The following DERA variants were observed in gnomAD, a reference collection of about 807,000 sequenced individuals.
DERA encodes the protein 2-deoxy-D-ribose 5-phosphate aldolase.
Under a neutral mutation model 41.1 loss-of-function variants are expected in DERA, and 15 were observed. That is an observed-to-expected ratio of 0.37 (90% CI 0.24 to 0.56). DERA has a LOEUF of 0.56. DERA is among the 20% of genes least tolerant of loss of function. The pLI, the probability that DERA is intolerant of heterozygous loss-of-function variation, is 0.81. For synonymous variants in DERA, 139 were observed against 137.4 expected, an observed-to-expected ratio of 1.01 and a Z score of -0.08; for missense variants, 396 against 403.4, an observed-to-expected ratio of 0.98 and a Z score of 0.16.
intron 5 of DERA, among the ~76,000 whole-genome samples, chr12:15,975,396 G>C (rs1404399392): frequency 1.3e-5 from 2 of 152,184 alleles, no homozygotes; most frequent in Non-Finnish European, 2.9e-5. Flanking sequence ...TCCATCAAGT[G>C]CAGGGTCTGC....
chr12:16,020,111 C>G lies in DERA; in HGVS notation c.638-12431C>G, dbSNP rs1401037944. ...TCTAGGAGCAGATCCAAGCACCACA[C>G]TTACTGTACAGTCTGCAGAATTGTG... On this transcript the variant is annotated intron_variant, in intron 6 of 8. Coordinates refer to ENST00000428559, the MANE Select transcript of DERA (RefSeq NM_015954.4). This position sits in a 1 kb window ranked among gnomAD's most constrained non-coding sequence, Gnocchi z 5.5. Among the ~76,000 whole-genome samples the G allele has an allele frequency of 1.3e-5, 2 of 152,200 alleles. No homozygotes were observed. The highest frequency in any genetic ancestry group is 2.4e-5 in the African/African-American group (1 of 41,438).
At chr12:15,973,428 A>ATAATAGCCTACCAAATTATTATTTTTC (rs138148780) in intron 5 of DERA, among the ~76,000 whole-genome samples, 94,390 of 151,628 alleles carry the variant, frequency 0.62, 29,735 homozygotes, top group East Asian at 0.82. Flanking sequence ...GGCATCTTTG[A>ATAATAGCCTACCAAATTATTATTTTTC]TAATATATGG....
rs947158996 is a variant in DERA, at chr12:15,931,559, A to G, written c.31+20145A>G. Among the ~76,000 whole-genome samples the G allele has an allele frequency of 4.6e-5, 7 of 152,188 alleles. No individual in the cohort carries two copies. Among genetic ancestry groups the G allele is most frequent in the African/African-American group, 9.7e-5 (4 of 41,434 alleles). ...AGAGTACATTAAGTTGAAAAACTACATGTTTGGAAATCTAAATGTGCTTTA... is the reference window on the plus strand; with the variant it reads ...AGAGTACATTAAGTTGAAAAACTACGTGTTTGGAAATCTAAATGTGCTTTA... On this transcript the variant is annotated intron_variant, in intron 1 of 8. Transcript: ENST00000428559. The surrounding 1 kb of genome is among the most constrained non-coding windows in gnomAD (Gnocchi z 4.6).
At chr12:15,945,046 G>A (rs1471062946) in intron 1 of DERA, among the ~76,000 whole-genome samples, 1 of 152,194 alleles carries the variant, frequency 6.6e-6, no homozygotes, top group African/African-American at 2.4e-5. Context: ...TTGTAGACGT[G>A]TGGTATTATT....
At chr12:16,006,012 C>T (rs374421890) in intron 6 of DERA, among the ~76,000 whole-genome samples, 1 of 152,182 alleles carries the variant, frequency 6.6e-6, no homozygotes. Flanking sequence ...TTCTGCTGTT[C>T]GGTCCTTACA....
In DERA at chr12:15,926,729, TC is replaced by T. The variant is rs1397537830; in HGVS notation, c.31+15317del. ...CCCGCCTGGGGCGACAGAGCGAGAC[TC>T]CGTCTCAAAAAGAAAAAAAAAAAAA... On this transcript the variant is annotated intron_variant, in intron 1 of 8. Coordinates refer to ENST00000428559, the MANE Select transcript of DERA (RefSeq NM_015954.4). Among the ~76,000 whole-genome samples the T allele has an allele frequency of 1.2e-4, 15 of 120,912 alleles. No individual in the cohort carries two copies. The South Asian group carries it at 4.6e-3, about 37-fold the overall frequency. 79.3% of individuals were successfully genotyped at this position (120,912 alleles called of 152,430 possible). A position where few individuals can be genotyped will look rare whatever the true frequency, so the allele number is the denominator to read the frequency against.
At chr12:16,015,183 G>A (rs967476353) in intron 6 of DERA, among the ~76,000 whole-genome samples, 2 of 152,172 alleles carry the variant, frequency 1.3e-5, no homozygotes, top group African/African-American at 2.4e-5. Flanking sequence ...TGTCGAGAAG[G>A]CATGATTGGT....
chr12:15,979,485 G>C (rs1178506007), intron 5 of DERA, among the ~76,000 whole-genome samples: 1 of 152,200 alleles, frequency 6.6e-6, no homozygotes, highest in Non-Finnish European at 1.5e-5. Flanking sequence ...ACTTGATAGA[G>C]CCCAGGTCAC....
intron 1 of DERA, among the ~76,000 whole-genome samples, chr12:15,948,577 G>A (rs532111245): frequency 3.3e-5 from 5 of 152,230 alleles, no homozygotes; most frequent in South Asian, 2.1e-4. Flanking sequence ...CTCTACACTG[G>A]TTATTCTAGT....
At chr12:15,973,346 G>A (rs1312484888) in intron 5 of DERA, among the ~76,000 whole-genome samples, 1 of 152,156 alleles carries the variant, frequency 6.6e-6, no homozygotes, top group East Asian at 1.9e-4. Context: ...TCTGGTGTAT[G>A]TGTTTTGTTA....
rs1485614126 is a variant in DERA, at chr12:16,035,764, G to A, written c.751-468G>A. 6.6e-6 allele frequency among the ~76,000 whole-genome samples: 1 copy of A among 152,214 alleles called. No homozygotes were observed. The highest frequency in any genetic ancestry group is 1.5e-5 in the Non-Finnish European group (1 of 68,036). On this transcript the variant is annotated intron_variant, in intron 7 of 8. Coordinates refer to ENST00000428559, the MANE Select transcript of DERA (RefSeq NM_015954.4). This position sits in a 1 kb window ranked among gnomAD's most constrained non-coding sequence, Gnocchi z 4.1. ...TTGGTTAGGGTAACCTTGCAGCCTT[G>A]CTGATTCTGTCCTTTGATTTTAAAT... is the stretch of plus-strand genomic sequence containing the variant.
chr12:15,987,230 CTTTTTTTT>C (rs995016192), intron 6 of DERA, among the ~76,000 whole-genome samples: 1 of 85,350 alleles, frequency 1.2e-5, no homozygotes, highest in African/African-American at 4.5e-5. Flanking sequence ...TATATATGTA[CTTTTTTTT>C]TTTTTTTTTT....
rs1042563879 is a variant in DERA, at chr12:15,970,756, T to C, written c.508+7809T>C. Among the ~76,000 whole-genome samples the C allele has an allele frequency of 1.5e-4, 23 of 152,216 alleles. No homozygotes were observed. The highest frequency in any genetic ancestry group is 5.3e-4 in the African/African-American group (22 of 41,448). On this transcript the variant is annotated intron_variant, in intron 5 of 8. Coordinates refer to ENST00000428559, the MANE Select transcript of DERA (RefSeq NM_015954.4). The surrounding 1 kb of genome is among the most constrained non-coding windows in gnomAD (Gnocchi z 4.3). ...TGGTATATCTGTAGACCTGATTCTT[T>C]CCATGTTGTTTTCAGAGGTTGACAC...
rs369078394 is a variant in DERA at position 16,000,030 on chromosome 12, A to G, written c.637+17594A>G. ...ATGCAATGCAGGCAATGCAGTGGGT[A>G]TGGAGCAGAGTAGATGCCTGTGGGA... On this transcript the variant is annotated intron_variant, in intron 6 of 8. Transcript: ENST00000428559. This position sits in a 1 kb window ranked among gnomAD's most constrained non-coding sequence, Gnocchi z 4.8. Among the ~76,000 whole-genome samples the G allele has an allele frequency of 6.6e-6, 1 of 152,176 alleles. No homozygotes were observed. The highest frequency in any genetic ancestry group is 2.4e-5 in the African/African-American group (1 of 41,440).
At chr12:15,949,289 C>G (rs1413601851) in intron 1 of DERA, among the ~76,000 whole-genome samples, 1 of 152,156 alleles carries the variant, frequency 6.6e-6, no homozygotes, top group Non-Finnish European at 1.5e-5. Flanking sequence ...TATGCCCTGC[C>G]CCTGGAAGTG....
chr12:15,919,701 A>G (rs1948227270), intron 1 of DERA, among the ~76,000 whole-genome samples: 1 of 152,192 alleles, frequency 6.6e-6, no homozygotes, highest in Non-Finnish European at 1.5e-5. Context: ...GATTTTTTAA[A>G]TGTTGAGACA....
rs980112781 is a variant in DERA, at chr12:15,938,910, A to T, written c.32-18026A>T. ...TACAGAATGTAAGCTTATCTAATTT[A>T]AAATAGGAGCTTGTGGTAGCTAGTC... On this transcript the variant is annotated intron_variant, in intron 1 of 8. Coordinates refer to ENST00000428559, the MANE Select transcript of DERA (RefSeq NM_015954.4). This position sits in a 1 kb window ranked among gnomAD's most constrained non-coding sequence, Gnocchi z 4.1. Among the ~76,000 whole-genome samples the T allele has an allele frequency of 2.6e-5, 4 of 152,222 alleles. No individual in the cohort carries two copies. The highest frequency in any genetic ancestry group is 4.4e-5 in the Non-Finnish European group (3 of 68,034).
At chr12:16,027,481 G>C (rs552228319) in intron 6 of DERA, among the ~76,000 whole-genome samples, 1 of 152,188 alleles carries the variant, frequency 6.6e-6, no homozygotes, top group Non-Finnish European at 1.5e-5. Flanking sequence ...ATCCAGATGG[G>C]CTGTAGAAGG....
In DERA at chr12:16,031,218, G is replaced by A. The variant is rs113948738; in HGVS notation, c.638-1324G>A. Among the ~76,000 whole-genome samples the A allele has an allele frequency of 7.6e-3, 1,153 of 152,278 alleles. 9 individuals carry two copies. The highest frequency in any genetic ancestry group is 0.028 in the South Asian group (137 of 4,822). On this transcript the variant is annotated intron_variant, in intron 6 of 8. Transcript: ENST00000428559. ...CTTCTAGCTCATTTGGTGATTATGC[G>A]GGGTTTACGTTTCATCTCCACCCGT...
Sources: allele counts gnomAD v4.1 joint callset (sites outside exome capture counted in the v4.1 genomes callset), GRCh38; gene constraint gnomAD v4.1.1; non-coding constraint Gnocchi (gnomAD v3.1); transcripts MANE v1.5; gene names NCBI Gene and HGNC (gene_info 2026-07-23, HGNC 2026-07-21).